NUDT9: variants seen among roughly 807,000 people sequenced by gnomAD.
NUDT9 encodes nudix hydrolase 9.
In NUDT9, 31 loss-of-function variants were observed where a neutral mutation model predicts 41.0. That is an observed-to-expected ratio of 0.76 (90% CI 0.57 to 1.02). NUDT9 has a LOEUF of 1.02. Among genes scored for constraint, NUDT9 ranks in the 50% least tolerant of loss-of-function variants. NUDT9 has a pLI of 0.00. For missense variants in NUDT9, 380 were observed against 431.4 expected (o/e 0.88, Z 1.06); for synonymous variants, 146 against 147.6 (o/e 0.99, Z 0.08).
intron 1 of NUDT9, among the ~76,000 whole-genome samples, chr4:87,427,940 G>A (rs978181551): frequency 2.0e-5 from 3 of 152,122 alleles, no homozygotes; most frequent in South Asian, 4.1e-4. Flanking sequence ...ATGGGTTTAA[G>A]GTGAGTGAGG....
chr4:87,447,402 T>C (rs1016023557), intron 4 of NUDT9, among the ~76,000 whole-genome samples: 1 of 152,192 alleles, frequency 6.6e-6, no homozygotes, highest in South Asian at 2.1e-4. Context: ...CTCATATGCA[T>C]ACTAATATTT....
intron 7 of NUDT9, 109 bp downstream of exon 7, chr4:87,454,564 G>T: frequency 1.4e-6 from 1 of 723,822 alleles, no homozygotes; most frequent in Middle Eastern, 2.7e-4. Context: ...CCAATTAACT[G>T]TTGATTGTAG....
At chr4:87,437,822 A>G (rs556300288) in intron 2 of NUDT9, among the ~76,000 whole-genome samples, 21 of 152,310 alleles carry the variant, frequency 1.4e-4, no homozygotes, top group African/African-American at 5.1e-4. Flanking sequence ...TTGTGGGTTT[A>G]CTCTGATAAG....
intron 4 of NUDT9, among the ~76,000 whole-genome samples, chr4:87,447,487 TTTTG>T (rs1722510467): frequency 6.6e-6 from 1 of 150,916 alleles, no homozygotes; most frequent in African/African-American, 2.5e-5. Context: ...TTTTTTTTTT[TTTTG>T]TTTTGTTTTG....
In NUDT9 at chr4:87,422,790, A is replaced by G. The variant is rs935146703; in HGVS notation, c.-116A>G. ...CTCCCGTTCGGGAACCCAACGGCAG[A>G]CAGGTCCTAGTGCCCATCAGATACC... is the stretch of plus-strand genomic sequence containing the variant. On this transcript the variant is annotated 5_prime_UTR_variant, in exon 1 of 8. Coordinates refer to ENST00000302174, the MANE Select transcript of NUDT9 (RefSeq NM_024047.5). 2.8e-5 allele frequency: 19 copies of G among 683,894 alleles called. No individual in the cohort carries two copies. Among genetic ancestry groups the G allele is most frequent in the Middle Eastern group, 4.1e-4 (1 of 2,460 alleles). 42.4% of individuals were successfully genotyped at this position (683,894 alleles called of 1,614,324 possible). A position where few individuals can be genotyped will look rare whatever the true frequency, so the allele number is the denominator to read the frequency against.
At position 87,439,140 on chromosome 4, in the gene NUDT9, T is replaced by C. The variant is rs190037410; in HGVS notation, c.443+768T>C. On this transcript the variant is annotated intron_variant, in intron 3 of 7. Transcript: ENST00000302174. Reference sequence around the variant, plus strand: ...GAGATTGCGCCACTGCACTCCAGCCTGGGCGACAGAGCGAGACTCCATCTC... The same window carrying C: ...GAGATTGCGCCACTGCACTCCAGCCCGGGCGACAGAGCGAGACTCCATCTC... Among the ~76,000 whole-genome samples the C allele has an allele frequency of 5.9e-4, 89 of 149,692 alleles. No individual in the cohort carries two copies. The East Asian group carries it at 0.016, about 26-fold the overall frequency.
In NUDT9 at chr4:87,458,255, T is replaced by G. The variant is rs1478059689; in HGVS notation, c.*234T>G. On this transcript the variant is annotated 3_prime_UTR_variant, in exon 8 of 8. Transcript: ENST00000302174. ...TATAAGTAATCATATTTTGTATGTATTCGATTTAAGCATGGCTTAAATTAA... is the reference window on the plus strand; with the variant it reads ...TATAAGTAATCATATTTTGTATGTAGTCGATTTAAGCATGGCTTAAATTAA... The G allele has an allele frequency of 2.8e-6, 1 of 355,678 alleles. No homozygotes were observed. Among genetic ancestry groups the G allele is most frequent in the African/African-American group, 2.1e-5 (1 of 47,620 alleles). 22.0% of individuals were successfully genotyped at this position (355,678 alleles called of 1,614,324 possible).
chr4:87,450,436 A>G (rs1722661776), intron 5 of NUDT9, among the ~76,000 whole-genome samples: 1 of 137,936 alleles, frequency 7.2e-6, no homozygotes, highest in Admixed American at 8.0e-5. Flanking sequence ...CTGGAGTGCA[A>G]TGGCATGATC....
At chr4:87,431,377 A>G (rs563005205) in intron 1 of NUDT9, among the ~76,000 whole-genome samples, 1 of 152,260 alleles carries the variant, frequency 6.6e-6, no homozygotes, top group South Asian at 2.1e-4. Flanking sequence ...CTCCCTTTCA[A>G]GATTGTCTTG....
chr4:87,433,638 GA>G (rs1392538822), intron 1 of NUDT9, among the ~76,000 whole-genome samples: 1 of 152,160 alleles, frequency 6.6e-6, no homozygotes, highest in Non-Finnish European at 1.5e-5. Context: ...CATGTCCTCA[GA>G]ATCTCCTTTC....
chr4:87,440,997 A>G (rs1440692537), intron 3 of NUDT9, among the ~76,000 whole-genome samples: 3 of 152,164 alleles, frequency 2.0e-5, no homozygotes, highest in African/African-American at 7.2e-5. Context: ...TGAGTCTAGT[A>G]CAAAAACAAT....
rs1055404411 is a variant in NUDT9 at position 87,458,357 on chromosome 4, C to T, written c.*336C>T. 2 of 171,266 alleles carry T rather than the reference C, an allele frequency of 1.2e-5. No individual in the cohort carries two copies. Among genetic ancestry groups the T allele is most frequent in the African/African-American group, 4.7e-5 (2 of 42,234 alleles). The allele number at this position is 171,266 out of a possible 1,614,324, so 10.6% of individuals were successfully genotyped here. ...TCTTGATCAGCTATAACTTCTGTTT[C>T]ATCTAGTTCTTGTTTGTCAATGCCT... On this transcript the variant is annotated 3_prime_UTR_variant, in exon 8 of 8. Transcript: ENST00000302174.
chr4:87,423,617 T>G (rs1385124357), intron 1 of NUDT9, among the ~76,000 whole-genome samples: 1 of 152,204 alleles, frequency 6.6e-6, no homozygotes, highest in African/African-American at 2.4e-5. Flanking sequence ...TTAAAAGTCT[T>G]GAATCTACAA....
At chr4:87,441,553 A>G (rs1471257972) in intron 3 of NUDT9, among the ~76,000 whole-genome samples, 1 of 152,200 alleles carries the variant, frequency 6.6e-6, no homozygotes, top group South Asian at 2.1e-4. Flanking sequence ...TTAGGAGTAT[A>G]GGTGAAAACT....
intron 2 of NUDT9, among the ~76,000 whole-genome samples, chr4:87,437,464 CCG>C: frequency 6.6e-6 from 1 of 151,862 alleles, no homozygotes; most frequent in East Asian, 1.9e-4. Context: ...CCTCAGCCTC[CCG>C]AGTAGCTGGG....
At chr4:87,425,560 A>G (rs571911130) in intron 1 of NUDT9, among the ~76,000 whole-genome samples, 7 of 151,378 alleles carry the variant, frequency 4.6e-5, no homozygotes, top group African/African-American at 1.5e-4. Context: ...ATGCCTGGCT[A>G]AGTTTTATAT....
intron 4 of NUDT9, among the ~76,000 whole-genome samples, chr4:87,442,375 G>A (rs1314109924): frequency 6.6e-6 from 1 of 152,172 alleles, no homozygotes; most frequent in Non-Finnish European, 1.5e-5. Context: ...ACCCTGAATG[G>A]AGCTTATAGG....
Position 87,441,813 on chromosome 4 carries a change from T to C in NUDT9, c.444-16T>C. On this transcript the variant is annotated splice_polypyrimidine_tract_variant and intron_variant, in intron 3 of 7. Coordinates refer to ENST00000302174, the MANE Select transcript of NUDT9 (RefSeq NM_024047.5). ...GAACACATTCAATTGATTTTATGCT[T>C]TTTTTGTTTTTCCAGAAATCCTGCA... is the stretch of plus-strand genomic sequence containing the variant. The C allele has an allele frequency of 6.2e-7, 1 of 1,606,836 alleles. No individual in the cohort carries two copies.
chr4:87,438,203 A>G (rs1268560863), intron 2 of NUDT9, 74 bp from the exon 3 acceptor site: 7 of 767,126 alleles, frequency 9.1e-6, no homozygotes, highest in Admixed American at 2.0e-5. Flanking sequence ...TGGATAACAG[A>G]TTGACTTTCA....
Sources: allele counts gnomAD v4.1 joint callset (sites outside exome capture counted in the v4.1 genomes callset), GRCh38; gene constraint gnomAD v4.1.1; transcripts MANE v1.5; gene names NCBI Gene and HGNC (gene_info 2026-07-23, HGNC 2026-07-21).